PLCB1: variants seen among roughly 807,000 people sequenced by gnomAD.
The protein encoded by PLCB1 is phospholipase C beta 1, also known as 1-phosphatidylinositol 4,5-bisphosphate phosphodiesterase beta-1.
Under a neutral mutation model 161.8 loss-of-function variants are expected in PLCB1, and 46 were observed. The ratio of observed to expected loss-of-function variants is 0.28; its 90% CI spans 0.22 to 0.36. The LOEUF (loss-of-function observed/expected upper bound fraction) is 0.36. Ranked by LOEUF, PLCB1 falls within the 10% of genes least tolerant of loss-of-function variation. PLCB1 has a pLI of 1.00. For missense variants in PLCB1, 1,016 were observed against 1,472.5 expected (o/e 0.69, Z 5.07); for synonymous variants, 517 against 503.7 (o/e 1.03, Z -0.35).
intron 2 of PLCB1, among the ~76,000 whole-genome samples, chr20:8,332,909 A>G (rs955674591): frequency 1.3e-5 from 2 of 152,230 alleles, no homozygotes; most frequent in African/African-American, 4.8e-5. Flanking sequence ...TTTGACTAAA[A>G]TATTTATGTA....
chr20:8,298,826 G>A (rs189158198), intron 2 of PLCB1, among the ~76,000 whole-genome samples: 98 of 152,252 alleles, frequency 6.4e-4, no homozygotes, highest in Non-Finnish European at 1.1e-3. Flanking sequence ...TTCAAATGCA[G>A]CAGAGCATCT....
intron 2 of PLCB1, among the ~76,000 whole-genome samples, chr20:8,265,918 G>A (rs1981931945): frequency 2.0e-5 from 3 of 152,114 alleles, no homozygotes; most frequent in Non-Finnish European, 4.4e-5. Context: ...GAGTAAGGTG[G>A]AGGACTAATT....
Position 8,716,279 on chromosome 20 carries a change from C to G in PLCB1, c.1266C>G (p.Ala422=). 6.2e-7 allele frequency: 1 copy of G among 1,614,038 alleles called. No individual in the cohort carries two copies. Among genetic ancestry groups the G allele is most frequent in the Non-Finnish European group, 8.5e-7 (1 of 1,179,896 alleles). ...ENHVDSPKQQ[A]KMAEYCRLIF... is the part of the protein sequence containing the mutation. ...TCTCCCTTAGCCCAAAGCAGCAAGC[C>G]AAGATGGCGGAGTACTGCCGACTGA... Residue 422 remains alanine (A), a synonymous_variant, in exon 13 of 32, where the codon GCC becomes GCG. Transcript: ENST00000338037.
chr20:8,755,369 T>C (rs1452007912), intron 23 of PLCB1, among the ~76,000 whole-genome samples: 2 of 152,320 alleles, frequency 1.3e-5, no homozygotes, highest in African/African-American at 4.8e-5. Flanking sequence ...AAAAGACTTC[T>C]GGAAAAATAT....
At chr20:8,795,945 G>A (rs1440112110) in intron 31 of PLCB1, among the ~76,000 whole-genome samples, 1 of 151,470 alleles carries the variant, frequency 6.6e-6, no homozygotes, top group Non-Finnish European at 1.5e-5. Flanking sequence ...TTGTGAATAT[G>A]CCAATGTTTA....
intron 3 of PLCB1, among the ~76,000 whole-genome samples, chr20:8,496,376 C>T (rs6118211): frequency 0.019 from 2,894 of 151,100 alleles, 112 homozygotes; most frequent in African/African-American, 0.067. Context: ...GCAGGGGATG[C>T]GCCTGTAGTC....
chr20:8,167,490 C>T (rs2051687508), intron 2 of PLCB1, among the ~76,000 whole-genome samples: 1 of 152,124 alleles, frequency 6.6e-6, no homozygotes, highest in South Asian at 2.1e-4. Context: ...TAAATGAGCC[C>T]AGGTTAAAAT....
In PLCB1 at chr20:8,810,027, A is replaced by T. The variant is rs545221645; in HGVS notation, c.3423+19766A>T. Among the ~76,000 whole-genome samples the T allele has an allele frequency of 1.1e-3, 174 of 152,300 alleles. No individual in the cohort carries two copies. The Middle Eastern group carries it at 0.014, about 12-fold the overall frequency. ...CCACTTTTTTTCCTCTAAAAGTTTT[A>T]TGTAGCAGTAAGTGAAATAGAATAG... is the stretch of plus-strand genomic sequence containing the variant. On this transcript the variant is annotated intron_variant, in intron 31 of 31. Transcript: ENST00000338037.
intron 3 of PLCB1, among the ~76,000 whole-genome samples, chr20:8,571,311 A>T (rs1400594318): frequency 6.6e-6 from 1 of 152,042 alleles, no homozygotes; most frequent in Non-Finnish European, 1.5e-5. Context: ...GTGACACTCC[A>T]TCTCTACCAA....
chr20:8,618,563 A>G (rs534139515), intron 3 of PLCB1, among the ~76,000 whole-genome samples: 1 of 152,320 alleles, frequency 6.6e-6, no homozygotes, highest in African/African-American at 2.4e-5. Flanking sequence ...TTACAATCAT[A>G]TAACATAACT....
At chr20:8,684,149 G>A (rs1600249153) in intron 9 of PLCB1, among the ~76,000 whole-genome samples, 1 of 152,048 alleles carries the variant, frequency 6.6e-6, no homozygotes. Flanking sequence ...CTCCCAAAGT[G>A]CTGGGATTAC....
At chr20:8,759,193 G>A (rs1199507639) in intron 24 of PLCB1, among the ~76,000 whole-genome samples, 2 of 152,122 alleles carry the variant, frequency 1.3e-5, no homozygotes, top group Non-Finnish European at 2.9e-5. Context: ...CCATGATTAG[G>A]TTGAGGGCAT....
chr20:8,148,011 T>C (rs1490153179), intron 1 of PLCB1, among the ~76,000 whole-genome samples: 1 of 152,050 alleles, frequency 6.6e-6, no homozygotes, highest in Non-Finnish European at 1.5e-5. Context: ...GAAGTTTTAT[T>C]CTGCTCACTT....
chr20:8,787,683 C>T lies in PLCB1; in HGVS notation c.3112-766C>T, dbSNP rs181043013. Reference sequence around the variant, plus strand: ...CAATTACCTTTATGTAATTGGCAAACACTTACTGGGCATCAAGTGAATATT... The same window carrying T: ...CAATTACCTTTATGTAATTGGCAAATACTTACTGGGCATCAAGTGAATATT... On this transcript the variant is annotated intron_variant, in intron 27 of 31. Transcript: ENST00000338037. Among the ~76,000 whole-genome samples the T allele has an allele frequency of 2.3e-3, 356 of 152,354 alleles. 1 individual carries two copies. Among genetic ancestry groups the T allele is most frequent in the African/African-American group, 8.2e-3 (342 of 41,584 alleles).
intron 3 of PLCB1, among the ~76,000 whole-genome samples, chr20:8,589,610 C>CTT (rs71183102): frequency 0.017 from 1,400 of 80,054 alleles, 22 homozygotes; most frequent in African/African-American, 0.027. Flanking sequence ...CAATCTCTCT[C>CTT]TTTTTTTTTT....
At chr20:8,471,903 A>T (rs988366571) in intron 3 of PLCB1, among the ~76,000 whole-genome samples, 3 of 152,136 alleles carry the variant, frequency 2.0e-5, no homozygotes, top group Non-Finnish European at 2.9e-5. Context: ...ATATTTCCTC[A>T]TAAATTTAGG....
intron 27 of PLCB1, among the ~76,000 whole-genome samples, chr20:8,777,812 G>T (rs1048722979): frequency 2.0e-5 from 3 of 152,014 alleles, no homozygotes; most frequent in Non-Finnish European, 4.4e-5. Flanking sequence ...TATGAAGGAG[G>T]TTTAACTGGA....
intron 4 of PLCB1, among the ~76,000 whole-genome samples, chr20:8,644,393 C>T (rs184560596): frequency 2.1e-5 from 3 of 142,888 alleles, no homozygotes; most frequent in South Asian, 2.2e-4. Flanking sequence ...AAGTGAGGAG[C>T]GTCTCTGCCC....
chr20:8,261,088 T>C (rs1244131174), intron 2 of PLCB1, among the ~76,000 whole-genome samples: 1 of 152,140 alleles, frequency 6.6e-6, no homozygotes, highest in Non-Finnish European at 1.5e-5. Context: ...TGAAACAACA[T>C]GTTTGTCAAG....
Sources: gnomAD v4.1 joint callset for allele counts (sites outside exome capture counted in the v4.1 genomes callset) on GRCh38, gnomAD v4.1.1 for gene constraint, MANE v1.5 for transcripts, NCBI Gene and HGNC (gene_info 2026-07-23, HGNC 2026-07-21) for gene names.